STEEP1: variants seen among roughly 807,000 people sequenced by gnomAD.
STEEP1 encodes the protein STING ER exit protein.
Under a neutral mutation model 19.2 loss-of-function variants are expected in STEEP1, and 3 were observed. The ratio of observed to expected loss-of-function variants is 0.16; its 90% CI spans 0.07 to 0.40. STEEP1 has a LOEUF of 0.40. Ranked by LOEUF, STEEP1 falls within the 10% of genes least tolerant of loss-of-function variation. The probability of loss-of-function intolerance (pLI) is 0.99; values close to 1 mark genes in which losing one functional copy is unlikely to be tolerated. For synonymous variants in STEEP1, 46 were observed against 63.7 expected, an observed-to-expected ratio of 0.72 and a Z score of 1.32; for missense variants, 54 against 177.1, an observed-to-expected ratio of 0.30 and a Z score of 3.94.
chrX:119,542,313 G>A lies in STEEP1; in HGVS notation c.513+192C>T, dbSNP rs760817105. On this transcript the variant is annotated intron_variant, in intron 5 of 6. Coordinates refer to ENST00000644802, the MANE Select transcript of STEEP1 (RefSeq NM_022101.4). Reference sequence around the variant, plus strand: ...GATCTCCTGACCTTATGATCCGCCCGTCTCGGTCTCCCAAACTGCTGGGAT... The same window carrying A: ...GATCTCCTGACCTTATGATCCGCCCATCTCGGTCTCCCAAACTGCTGGGAT... 3.6e-5 allele frequency among the ~76,000 whole-genome samples: 4 copies of A among 110,120 alleles called. 1 individual carries two copies. The highest frequency in any genetic ancestry group is 2.8e-4 in the East Asian group (1 of 3,524).
chrX:119,558,726 T>G (rs2053300288), intron 2 of STEEP1, among the ~76,000 whole-genome samples: 1 of 110,785 alleles, frequency 9.0e-6, no homozygotes, highest in Non-Finnish European at 1.9e-5. Flanking sequence ...CCCACACACT[T>G]CTTGATACTC....
At chrX:119,560,837 GGA>G (rs985479577) in intron 1 of STEEP1, among the ~76,000 whole-genome samples, 20 of 110,926 alleles carry the variant, frequency 1.8e-4, no homozygotes, top group Admixed American at 2.9e-4. Flanking sequence ...GCTAAGAAAA[GGA>G]GAGAGGCTGG....
At chrX:119,552,045 C>T (rs1440104330) in intron 2 of STEEP1, among the ~76,000 whole-genome samples, 1 of 109,928 alleles carries the variant, frequency 9.1e-6, no homozygotes, top group Admixed American at 9.8e-5. Context: ...AGGTGCGCAC[C>T]ACCACGCCCA....
At chrX:119,559,053 C>G (rs762181457) in intron 2 of STEEP1, among the ~76,000 whole-genome samples, 1 of 110,330 alleles carries the variant, frequency 9.1e-6, no homozygotes, top group African/African-American at 3.3e-5. Flanking sequence ...CCCATCTCTA[C>G]TAAAAATACA....
At position 119,538,433 on chromosome X, in the gene STEEP1, T is replaced by TC. The variant is rs2053138046; in HGVS notation, c.*1293_*1294insG. On this transcript the variant is annotated 3_prime_UTR_variant, in exon 7 of 7. Coordinates refer to ENST00000644802, the MANE Select transcript of STEEP1 (RefSeq NM_022101.4). ...TCCCTTGGGTTACTTTTTTTTTTTTTTTTTTTTGTAGAGACAGAGTCTCAC... is the reference window on the plus strand; with the variant it reads ...TCCCTTGGGTTACTTTTTTTTTTTTTCTTTTTTTGTAGAGACAGAGTCTCAC... 2 of 99,389 alleles carry TC rather than the reference T, an allele frequency of 2.0e-5. No homozygotes were observed. The highest frequency in any genetic ancestry group is 4.1e-5 in the Non-Finnish European group (2 of 48,506). The allele number at this position is 99,389 out of a possible 1,213,427, so 8.2% of individuals were successfully genotyped here. A position where few individuals can be genotyped will look rare whatever the true frequency, so the allele number is the denominator to read the frequency against.
chrX:119,547,321 A>C (rs2147349244), intron 2 of STEEP1, among the ~76,000 whole-genome samples: 1 of 111,877 alleles, frequency 8.9e-6, no homozygotes, highest in East Asian at 2.8e-4. Context: ...GTACATTTTA[A>C]ATTCTGGTAG....
intron 2 of STEEP1, among the ~76,000 whole-genome samples, chrX:119,559,230 C>T (rs1314425436): frequency 9.2e-6 from 1 of 108,666 alleles, no homozygotes; most frequent in East Asian, 2.9e-4. Context: ...AAAAAAAAAA[C>T]GGAGATGGCT....
chrX:119,555,311 T>C (rs1004260408), intron 2 of STEEP1, among the ~76,000 whole-genome samples: 1 of 109,719 alleles, frequency 9.1e-6, no homozygotes, highest in African/African-American at 3.3e-5. Context: ...ATAGAGCGCA[T>C]TCAGGCTTAT....
At chrX:119,546,483 C>A (rs1251125310) in intron 2 of STEEP1, among the ~76,000 whole-genome samples, 1 of 108,174 alleles carries the variant, frequency 9.2e-6, no homozygotes, top group Non-Finnish European at 1.9e-5. Context: ...CTCATTTAAT[C>A]CTTACAACAA....
chrX:119,542,454 C>T (rs1311630794), intron 5 of STEEP1, 51 bp downstream of exon 5: 1 of 964,135 alleles, frequency 1.0e-6, no homozygotes, highest in Non-Finnish European at 1.5e-6. Flanking sequence ...GTCCCCTTTC[C>T]TCGTACCCTT....
chrX:119,546,242 A>C (rs965746342), intron 2 of STEEP1, among the ~76,000 whole-genome samples: 3 of 110,107 alleles, frequency 2.7e-5, no homozygotes, highest in Non-Finnish European at 5.7e-5. Context: ...GGAGTTCGAG[A>C]CTATCCTGGC....
Position 119,545,503 on chromosome X carries a change from G to C in STEEP1, c.244C>G (p.Pro82Ala), listed in dbSNP as rs764570781. The C allele has an allele frequency of 8.6e-7, 1 of 1,160,636 alleles. No individual in the cohort carries two copies. Among genetic ancestry groups the C allele is most frequent in the East Asian group, 3.0e-5 (1 of 33,396 alleles). Residue 82 changes from proline to alanine, a missense_variant and splice_region_variant, in exon 3 of 7, where the codon CCT becomes GCT. Physicochemically the swap from Pro to Ala is conservative, Grantham distance 27. Transcript: ENST00000644802. ...CTGTACTGTCGTTCAATGCCTTCAG[G>C]TCTGCACAGAAAATGGAAGTTAAAA... is the stretch of plus-strand genomic sequence containing the variant. ...EDEETMYLRR[P>A]EGIERQYRKK...
chrX:119,546,456 A>T (rs1295143905), intron 2 of STEEP1, among the ~76,000 whole-genome samples: 1 of 109,050 alleles, frequency 9.2e-6, no homozygotes, highest in Non-Finnish European at 1.9e-5. Flanking sequence ...AAAAAAAAAA[A>T]AGTATACATG....
intron 2 of STEEP1, among the ~76,000 whole-genome samples, chrX:119,557,944 G>A (rs2053293213): frequency 9.1e-6 from 1 of 110,201 alleles, no homozygotes; most frequent in African/African-American, 3.3e-5. Context: ...GTCTCACTCT[G>A]TCGCCCAGGC....
At chrX:119,543,406 C>T (rs937446245) in intron 4 of STEEP1, among the ~76,000 whole-genome samples, 5 of 109,749 alleles carry the variant, frequency 4.6e-5, no homozygotes, top group Non-Finnish European at 9.5e-5. Flanking sequence ...GGGCCGGTCT[C>T]GAACTCCTGA....
At chrX:119,557,155 C>CAAAAAAAAAAAAAA (rs61087266) in intron 2 of STEEP1, among the ~76,000 whole-genome samples, 8 of 47,742 alleles carry the variant, frequency 1.7e-4, no homozygotes, top group Admixed American at 3.3e-4. Context: ...GACTCTATCT[C>CAAAAAAAAAAAAAA]AAAAAAAAAA....
chrX:119,565,183 C>T (rs1339442662), intron 1 of STEEP1, 49 bp downstream of exon 1: 1 of 1,155,326 alleles, frequency 8.7e-7, no homozygotes, highest in Non-Finnish European at 1.2e-6. Context: ...CCTTCAAGAA[C>T]CCGAAGTCTG....
intron 4 of STEEP1, among the ~76,000 whole-genome samples, chrX:119,543,993 T>C: frequency 9.0e-6 from 1 of 111,471 alleles, no homozygotes; most frequent in Non-Finnish European, 1.9e-5. Context: ...CATCTGTTTA[T>C]ACACAAAAAT....
chrX:119,540,760 T>A (rs2053156958), intron 6 of STEEP1, among the ~76,000 whole-genome samples: 1 of 112,412 alleles, frequency 8.9e-6, no homozygotes, highest in African/African-American at 3.2e-5. Context: ...TAAAATATCA[T>A]CCTGGCCTGG....
Sources: allele counts gnomAD v4.1 joint callset (sites outside exome capture counted in the v4.1 genomes callset), GRCh38; gene constraint gnomAD v4.1.1; transcripts MANE v1.5; gene names NCBI Gene and HGNC (gene_info 2026-07-23, HGNC 2026-07-21).